The following DNM1L variants were observed in gnomAD, a reference collection of about 807,000 sequenced individuals.
DNM1L encodes the protein dynamin-1-like protein.
A neutral mutation model predicts 92.8 loss-of-function variants in DNM1L; 33 were observed. The ratio of observed to expected loss-of-function variants is 0.36; its 90% CI spans 0.27 to 0.48. DNM1L has a LOEUF of 0.48. Among genes scored for constraint, DNM1L ranks in the 20% least tolerant of loss-of-function variants. DNM1L has a pLI of 0.99. For synonymous variants in DNM1L, 284 were observed against 305.0 expected (o/e 0.93, Z 0.72); for missense variants, 485 against 888.8 (o/e 0.55, Z 5.78).
chr12:32,735,735 C>T lies in DNM1L; in HGVS notation c.1540-1370C>T, dbSNP rs538447638. 2.0e-4 allele frequency among the ~76,000 whole-genome samples: 30 copies of T among 151,830 alleles called. No homozygotes were observed. The South Asian group carries it at 5.8e-3, about 30-fold the overall frequency. ...CTCTACTAAAAATAGAAAAATTAGC[C>T]GGGGGTGGTGGATGCCTGTAATCCC... On this transcript the variant is annotated intron_variant, in intron 13 of 19. Transcript: ENST00000549701.
rs745309773 is a variant in DNM1L at position 32,740,106 on chromosome 12, C to G, written c.1750C>G (p.Pro584Ala). Residue 584 changes from proline (P) to alanine (A), a missense_variant, in exon 17 of 20, where the codon CCA (proline) becomes GCA (alanine). This residue lies in a region of DNM1L where 133 missense variants were observed against 210.9 expected (regional missense o/e 0.63). Coordinates refer to ENST00000549701, the MANE Select transcript of DNM1L (RefSeq NM_012062.5). ...GGGVGDGVQE[P>A]TTGNWRGMLK... The stretch of plus-strand genomic sequence containing the variant: ...TGGGGTTGGAGATGGTGTTCAAGAA[C>G]CAACCACAGGCAACTGGAGAGGAAT... The G allele has an allele frequency of 8.1e-6, 13 of 1,613,990 alleles. No homozygotes were observed. The highest frequency in any genetic ancestry group is 1.7e-5 in the Admixed American group (1 of 59,994).
chr12:32,730,820 C>T (rs574204224), intron 9 of DNM1L, among the ~76,000 whole-genome samples, 194 bp from the exon 10 acceptor site: 42 of 152,154 alleles, frequency 2.8e-4, no homozygotes, highest in African/African-American at 1.0e-3. Context: ...GATTCCTTTT[C>T]CCCTTTAAAA....
rs542039253 is a variant in DNM1L, at chr12:32,741,767, C to G, written c.1995-822C>G. Among the ~76,000 whole-genome samples the G allele has an allele frequency of 5.9e-5, 9 of 152,280 alleles. No homozygotes were observed. The South Asian group carries it at 1.9e-3, about 32-fold the overall frequency. ...TACTATTGTGTTACAGTTCCCTATT[C>G]AGTACAGTAACATGCTGTACATGTT... is the stretch of plus-strand genomic sequence containing the variant. On this transcript the variant is annotated intron_variant, in intron 18 of 19. Coordinates refer to ENST00000549701, the MANE Select transcript of DNM1L (RefSeq NM_012062.5).
At chr12:32,738,108 T>C (rs1955027478) in intron 15 of DNM1L, 156 bp from the exon 16 acceptor site, 7 of 1,057,704 alleles carry the variant, frequency 6.6e-6, no homozygotes, top group Non-Finnish European at 1.4e-6. Context: ...ATGCAATGCA[T>C]AGTTTATATT....
At chr12:32,740,613 TTTTA>T in intron 18 of DNM1L, 95 bp downstream of exon 18, 2 of 1,179,730 alleles carry the variant, frequency 1.7e-6, no homozygotes, top group East Asian at 2.6e-5. Flanking sequence ...AATTTTAGGT[TTTTA>T]TTCTAAATCA....
At chr12:32,724,591 AAAAT>A (rs1315312129) in intron 9 of DNM1L, among the ~76,000 whole-genome samples, 762 of 68,682 alleles carry the variant, frequency 0.011, 2 homozygotes, top group Middle Eastern at 0.02. Context: ...AAAAAAAAAA[AAAAT>A]ATATATATAT....
intron 14 of DNM1L, chr12:32,737,664 T>G (rs1352967415): frequency 1.8e-6 from 1 of 548,340 alleles, no homozygotes; most frequent in East Asian, 3.2e-5. Context: ...ATTTTTCTTA[T>G]GTATTCATCT....
intron 1 of DNM1L, among the ~76,000 whole-genome samples, chr12:32,693,040 A>G (rs995919844): frequency 3.3e-5 from 5 of 152,232 alleles, no homozygotes; most frequent in African/African-American, 1.2e-4. Context: ...CTCATGTTTG[A>G]GAATTTCTCT....
chr12:32,731,260 A>C lies in DNM1L; in HGVS notation c.1201-96A>C. 1 of 1,191,372 alleles carries C rather than the reference A, an allele frequency of 8.4e-7. No homozygotes were observed. The highest frequency in any genetic ancestry group is 1.4e-5 in the South Asian group (1 of 69,508). The allele number at this position is 1,191,372 out of a possible 1,614,324, so 73.8% of individuals were successfully genotyped here. A position where few individuals can be genotyped will look rare whatever the true frequency, so the allele number is the denominator to read the frequency against. On this transcript the variant is annotated intron_variant, in intron 10 of 19. Transcript: ENST00000549701. This position sits in a 1 kb window ranked among gnomAD's most constrained non-coding sequence, Gnocchi z 5.1. ...GCTCTCATATTTGAAATTAAAAAGC[A>C]TTTTTCATGAAAAGTACCAAAAATG...
At chr12:32,702,421 A>G (rs1952752379) in intron 2 of DNM1L, among the ~76,000 whole-genome samples, 1 of 152,094 alleles carries the variant, frequency 6.6e-6, no homozygotes, top group South Asian at 2.1e-4. Context: ...AGAGTAACGT[A>G]TTTAATCTTC....
intron 1 of DNM1L, among the ~76,000 whole-genome samples, chr12:32,681,756 G>A: frequency 6.6e-6 from 1 of 151,990 alleles, no homozygotes; most frequent in Non-Finnish European, 1.5e-5. Flanking sequence ...TGAAGTAATT[G>A]TAGTGAGTGA....
intron 9 of DNM1L, chr12:32,725,262 T>A (rs553899386): frequency 9.0e-4 from 137 of 152,318 alleles, no homozygotes; most frequent in African/African-American, 3.1e-3. Flanking sequence ...TTTGAAATTT[T>A]TATTTTAGGC....
intron 3 of DNM1L, among the ~76,000 whole-genome samples, 199 bp from the exon 4 acceptor site, chr12:32,707,954 G>GA (rs575612830): frequency 1.8e-4 from 23 of 126,072 alleles, no homozygotes; most frequent in South Asian, 2.5e-4. Flanking sequence ...CTCTCTCAAA[G>GA]AAAAAAAAAA....
intron 3 of DNM1L, among the ~76,000 whole-genome samples, chr12:32,707,776 C>T (rs1952982692): frequency 6.6e-6 from 1 of 151,704 alleles, no homozygotes; most frequent in African/African-American, 2.4e-5. Context: ...ATAGGGGGAC[C>T]CTGTCTCTAT....
chr12:32,707,876 G>A (rs1952986481), intron 3 of DNM1L, among the ~76,000 whole-genome samples: 1 of 151,754 alleles, frequency 6.6e-6, no homozygotes, highest in African/African-American at 2.4e-5. Flanking sequence ...GCTTGAGGAT[G>A]TGAGGTTGAG....
intron 12 of DNM1L, chr12:32,732,509 T>C (rs1185877414): frequency 2.2e-6 from 1 of 455,852 alleles, no homozygotes; most frequent in Non-Finnish European, 4.4e-6. Flanking sequence ...GGGTTTTTTG[T>C]TTTTTGTTTT....
chr12:32,716,853 G>C (rs1384983893), intron 6 of DNM1L, among the ~76,000 whole-genome samples: 5 of 147,056 alleles, frequency 3.4e-5, no homozygotes, highest in Admixed American at 2.8e-4. Context: ...TAAAGCTGCT[G>C]TAGATATTTG....
At chr12:32,717,903 GTATA>G (rs375229843) in intron 6 of DNM1L, among the ~76,000 whole-genome samples, 1,148 of 79,470 alleles carry the variant, frequency 0.014, 108 homozygotes, top group African/African-American at 0.059. Context: ...ACTATATATA[GTATA>G]TATATAAAAT....
intron 9 of DNM1L, among the ~76,000 whole-genome samples, chr12:32,729,403 T>G (rs1954391645): frequency 6.6e-6 from 1 of 152,070 alleles, no homozygotes; most frequent in Non-Finnish European, 1.5e-5. Flanking sequence ...TATTAAGCAA[T>G]TACTCATTCC....
Sources: allele counts gnomAD v4.1 joint callset (sites outside exome capture counted in the v4.1 genomes callset), GRCh38; gene constraint gnomAD v4.1.1; regional missense constraint gnomAD v4.1.1; non-coding constraint Gnocchi (gnomAD v3.1); transcripts MANE v1.5; gene names NCBI Gene and HGNC (gene_info 2026-07-23, HGNC 2026-07-21).